Variants in GPC6 observed in about 807,000 individuals in gnomAD.
GPC6 encodes the protein glypican-6.
A neutral mutation model predicts 55.2 loss-of-function variants in GPC6; 14 were observed. That is an observed-to-expected ratio of 0.25 (90% CI 0.17 to 0.40). The LOEUF (loss-of-function observed/expected upper bound fraction) is 0.40, where lower values mean the gene tolerates loss of function less well. Among genes scored for constraint, GPC6 ranks in the 10% least tolerant of loss-of-function variants. The pLI is 1.00. For synonymous variants in GPC6, 278 were observed against 259.6 expected, an observed-to-expected ratio of 1.07 and a Z score of -0.68; for missense variants, 641 against 708.5, an observed-to-expected ratio of 0.90 and a Z score of 1.08.
chr13:93,745,842 A>G (rs1884379801), intron 2 of GPC6, among the ~76,000 whole-genome samples: 1 of 152,182 alleles, frequency 6.6e-6, no homozygotes, highest in Admixed American at 6.5e-5. Flanking sequence ...TTTGAGACGA[A>G]ACTCAAAATA....
intron 1 of GPC6, among the ~76,000 whole-genome samples, chr13:93,460,721 A>G (rs1191996308): frequency 6.6e-6 from 1 of 152,184 alleles, no homozygotes; most frequent in Non-Finnish European, 1.5e-5. Flanking sequence ...ACTTTGAGGC[A>G]AATATTGCAT....
chr13:93,479,145 G>A (rs569804587), intron 1 of GPC6, among the ~76,000 whole-genome samples: 4 of 152,086 alleles, frequency 2.6e-5, no homozygotes, highest in Non-Finnish European at 5.9e-5. Context: ...AAGATGGGTG[G>A]AATAGAATTA....
rs115641015 is a variant in GPC6 at position 94,125,612 on chromosome 13, C to G, written c.877+97718C>G. ...TTCACAGCCTTGGAAATCCTGGGAG[C>G]AAACCACCCAGGAGAGACCTGCACT... is the stretch of plus-strand genomic sequence containing the variant. On this transcript the variant is annotated intron_variant, in intron 4 of 8. Transcript: ENST00000377047. Among the ~76,000 whole-genome samples, 1,458 of 152,148 alleles carry G rather than the reference C, an allele frequency of 9.6e-3. 34 individuals carry two copies. Among genetic ancestry groups the G allele is most frequent in the African/African-American group, 0.034 (1,392 of 41,508 alleles).
At chr13:93,788,528 C>CAT (rs1778687173) in intron 2 of GPC6, among the ~76,000 whole-genome samples, 1 of 151,592 alleles carries the variant, frequency 6.6e-6, no homozygotes, top group African/African-American at 2.4e-5. Context: ...TACACACACA[C>CAT]ACACACACAC....
At chr13:93,856,967 T>C (rs1413283628) in intron 3 of GPC6, among the ~76,000 whole-genome samples, 2 of 151,650 alleles carry the variant, frequency 1.3e-5, no homozygotes, top group African/African-American at 4.8e-5. Flanking sequence ...ATTGCCACTG[T>C]CTGGTGCCTA....
At chr13:93,473,320 A>G (rs1474707486) in intron 1 of GPC6, among the ~76,000 whole-genome samples, 2 of 152,156 alleles carry the variant, frequency 1.3e-5, no homozygotes, top group East Asian at 1.9e-4. Context: ...TGCCCAAAGT[A>G]TGGAGCAGGC....
intron 4 of GPC6, among the ~76,000 whole-genome samples, chr13:94,182,201 A>G (rs1889021149): frequency 6.7e-6 from 1 of 148,252 alleles, no homozygotes; most frequent in Non-Finnish European, 1.5e-5. Flanking sequence ...TAGGTCTCAG[A>G]TTTTTTTTTT....
intron 4 of GPC6, among the ~76,000 whole-genome samples, chr13:94,278,512 C>T (rs759592677): frequency 9.9e-5 from 15 of 152,104 alleles, no homozygotes; most frequent in South Asian, 2.1e-4. Flanking sequence ...TTGTCTTGTA[C>T]CGGTTTTCAA....
intron 1 of GPC6, among the ~76,000 whole-genome samples, chr13:93,354,763 A>G (rs1473058525): frequency 6.6e-6 from 1 of 152,046 alleles, no homozygotes; most frequent in Non-Finnish European, 1.5e-5. Flanking sequence ...TCAATTTGTG[A>G]AGAAGGTTGT....
chr13:93,229,241 C>G (rs537649777), intron 1 of GPC6, among the ~76,000 whole-genome samples: 26 of 138,786 alleles, frequency 1.9e-4, no homozygotes, highest in African/African-American at 6.4e-4. Flanking sequence ...GGATCAGCTT[C>G]GCTTTTTTTT....
chr13:93,657,973 A>G (rs560191334), intron 2 of GPC6, among the ~76,000 whole-genome samples: 6 of 152,214 alleles, frequency 3.9e-5, no homozygotes, highest in African/African-American at 1.4e-4. Flanking sequence ...GGTTGCAGAG[A>G]AAAAGGAATG....
chr13:93,519,055 T>A (rs1368343528), intron 1 of GPC6, among the ~76,000 whole-genome samples: 1 of 152,042 alleles, frequency 6.6e-6, no homozygotes, highest in East Asian at 1.9e-4. Flanking sequence ...AGATCTTATG[T>A]ACCGCAAAGA....
intron 3 of GPC6, among the ~76,000 whole-genome samples, chr13:93,906,989 G>A (rs1291508650): frequency 6.6e-6 from 1 of 152,164 alleles, no homozygotes; most frequent in Admixed American, 6.5e-5. Flanking sequence ...ATGTAAACAT[G>A]TGGAGATAAG....
At chr13:93,454,972 G>A (rs572701965) in intron 1 of GPC6, among the ~76,000 whole-genome samples, 415 of 152,356 alleles carry the variant, frequency 2.7e-3, no homozygotes, top group African/African-American at 9.3e-3. Context: ...CGAGCGCAGC[G>A]TCGGTGGGTT....
At chr13:93,719,093 A>G (rs966770237) in intron 2 of GPC6, among the ~76,000 whole-genome samples, 1 of 152,044 alleles carries the variant, frequency 6.6e-6, no homozygotes, top group African/African-American at 2.4e-5. Context: ...TATAAAATTT[A>G]AAGTAGCTTT....
At chr13:93,335,955 A>C (rs1321997346) in intron 1 of GPC6, among the ~76,000 whole-genome samples, 1 of 152,254 alleles carries the variant, frequency 6.6e-6, no homozygotes, top group Non-Finnish European at 1.5e-5. Context: ...CATATAATAC[A>C]GTGCCTTGCA....
At chr13:94,231,945 A>G (rs1890742038) in intron 4 of GPC6, among the ~76,000 whole-genome samples, 2 of 152,228 alleles carry the variant, frequency 1.3e-5, no homozygotes, top group Admixed American at 1.3e-4. Context: ...AGAAAAAGAA[A>G]AATCCCAAAG....
intron 1 of GPC6, among the ~76,000 whole-genome samples, chr13:93,468,182 T>G (rs773586053): frequency 6.6e-6 from 1 of 152,182 alleles, no homozygotes; most frequent in Non-Finnish European, 1.5e-5. Context: ...AATTTTTCAT[T>G]TTATGCCCAC....
chr13:94,148,402 A>T (rs1330739818), intron 4 of GPC6, among the ~76,000 whole-genome samples: 2 of 152,206 alleles, frequency 1.3e-5, no homozygotes, highest in East Asian at 3.9e-4. Context: ...TACAGGAAAC[A>T]TCTTGTTTAC....
Sources: gnomAD v4.1 joint callset for allele counts (sites outside exome capture counted in the v4.1 genomes callset) on GRCh38, gnomAD v4.1.1 for gene constraint, MANE v1.5 for transcripts, NCBI Gene and HGNC (gene_info 2026-07-23, HGNC 2026-07-21) for gene names.